CERS1: variants seen among roughly 807,000 people sequenced by gnomAD.
CERS1 encodes ceramide synthase 1.
A neutral mutation model predicts 35.7 loss-of-function variants in CERS1; 16 were observed. The ratio of observed to expected loss-of-function variants is 0.45; its 90% CI spans 0.30 to 0.68. CERS1 has a LOEUF of 0.68. Ranked by LOEUF, CERS1 falls within the 30% of genes least tolerant of loss-of-function variation. The probability of loss-of-function intolerance (pLI) is 0.08; values close to 1 mark genes in which losing one functional copy is unlikely to be tolerated. For synonymous variants in CERS1, 243 were observed against 201.6 expected, an observed-to-expected ratio of 1.21 and a Z score of -1.74; for missense variants, 454 against 453.9, an observed-to-expected ratio of 1.00 and a Z score of 0.00.
At position 18,869,302 on chromosome 19, in the gene CERS1, G is replaced by A. The variant is rs1047993053; in HGVS notation, c.*683C>T. 3.4e-5 allele frequency: 51 copies of A among 1,516,458 alleles called. No homozygotes were observed. Among genetic ancestry groups the A allele is most frequent in the African/African-American group, 1.4e-4 (10 of 70,108 alleles). 93.9% of individuals were successfully genotyped at this position (1,516,458 alleles called of 1,614,324 possible). A position where few individuals can be genotyped will look rare whatever the true frequency, so the allele number is the denominator to read the frequency against. ...GGCGGGCCCGGCTCGGGCGCTCAGC[G>A]GGTTCCACAGCCGACAGGTCGAAGA... On this transcript the variant is annotated 3_prime_UTR_variant, in exon 8 of 8. Transcript: ENST00000623882.
chr19:18,878,536 A>T lies in CERS1; in HGVS notation c.1010+394T>A. 1.9e-6 allele frequency: 2 copies of T among 1,029,190 alleles called. No homozygotes were observed. The highest frequency in any genetic ancestry group is 2.3e-6 in the Non-Finnish European group (2 of 855,570). 63.8% of individuals were successfully genotyped at this position (1,029,190 alleles called of 1,614,324 possible). Reference sequence around the variant, plus strand: ...TGGCCCTTGGCGTTCCTTCCTCCCCAGCCCCACTGCCACCAGCTCCAGTGG... The same window carrying T: ...TGGCCCTTGGCGTTCCTTCCTCCCCTGCCCCACTGCCACCAGCTCCAGTGG... On this transcript the variant is annotated intron_variant, in intron 6 of 7. Coordinates refer to ENST00000623882, the MANE Select transcript of CERS1 (RefSeq NM_021267.5). The surrounding 1 kb of genome is among the most constrained non-coding windows in gnomAD (Gnocchi z 4.6).
At chr19:18,887,744 C>CAAAAAA in intron 2 of CERS1, among the ~76,000 whole-genome samples, 1 of 104,052 alleles carries the variant, frequency 9.6e-6, no homozygotes, top group Non-Finnish European at 1.9e-5. Context: ...AACTCCATCT[C>CAAAAAA]AAAAAAAAAA....
At chr19:18,886,399 A>G (rs2056361814) in intron 2 of CERS1, among the ~76,000 whole-genome samples, 1 of 152,012 alleles carries the variant, frequency 6.6e-6, no homozygotes, top group Non-Finnish European at 1.5e-5. Context: ...AATACAAAAA[A>G]TTAGCCGGGT....
At chr19:18,893,709 C>G (rs984161243) in intron 1 of CERS1, 134 bp from the exon 2 acceptor site, 1 of 870,420 alleles carries the variant, frequency 1.1e-6, no homozygotes, top group African/African-American at 1.7e-5. Flanking sequence ...ATGCCCACAG[C>G]CACCTGGAGC....
chr19:18,884,332 C>CG (rs2056295908), intron 2 of CERS1, 65 bp from the exon 3 acceptor site: 3 of 1,476,822 alleles, frequency 2.0e-6, no homozygotes, highest in Admixed American at 2.1e-5. Context: ...CTCCATGACC[C>CG]GGTGACACCC....
Position 18,884,266 on chromosome 19 carries a change from G to C in CERS1, c.411C>G (p.Asp137Glu), listed in dbSNP as rs2056293111. Residue 137 changes from aspartate to glutamate, a missense_variant and splice_region_variant, in exon 3 of 8, where the codon GAC becomes GAG. Coordinates refer to ENST00000623882, the MANE Select transcript of CERS1 (RefSeq NM_021267.5). The stretch of plus-strand genomic sequence containing the variant: ...GTGGCACTGCCATGCCCGGCGTCCA[G>C]TCTGGGGAGAGCCAAATCTCACAGT... ...FFHDPPSVFYDWTPGMAVPRD... is the reference protein window; with the variant it reads ...FFHDPPSVFYEWTPGMAVPRD... 6.2e-7 allele frequency: 1 copy of C among 1,610,210 alleles called. No individual in the cohort carries two copies. The highest frequency in any genetic ancestry group is 8.5e-7 in the Non-Finnish European group (1 of 1,178,768).
chr19:18,895,811 C>A lies in CERS1; in HGVS notation c.249+13G>T. On this transcript the variant is annotated intron_variant, in intron 1 of 7. Coordinates refer to ENST00000623882, the MANE Select transcript of CERS1 (RefSeq NM_021267.5). The surrounding 1 kb of genome is among the most constrained non-coding windows in gnomAD (Gnocchi z 6.4). ...TCCGGGGTCCCCTCGTCCCGGCCCC[C>A]GGCCACACTGACCCGAAAGAGGCGC... 4.0e-6 allele frequency: 5 copies of A among 1,236,096 alleles called. No homozygotes were observed. Among genetic ancestry groups the A allele is most frequent in the Non-Finnish European group, 5.1e-6 (5 of 982,514 alleles). The allele number at this position is 1,236,096 out of a possible 1,614,324, so 76.6% of individuals were successfully genotyped here.
rs1329965974 is a variant in CERS1 at position 18,870,335 on chromosome 19, G to A, written c.*242C>T. 5.2e-6 allele frequency: 8 copies of A among 1,543,762 alleles called. No individual in the cohort carries two copies. Among genetic ancestry groups the A allele is most frequent in the Non-Finnish European group, 7.0e-6 (8 of 1,145,958 alleles). On this transcript the variant is annotated 3_prime_UTR_variant, in exon 7 of 8. Coordinates refer to ENST00000623882, the MANE Select transcript of CERS1 (RefSeq NM_021267.5). The surrounding 1 kb of genome is among the most constrained non-coding windows in gnomAD (Gnocchi z 5.1). The stretch of plus-strand genomic sequence containing the variant: ...TCCTCCCAGGCGATGACCAGAGAGT[G>A]CGCAGGGTCCGCGGCGGCCCGGGAC...
In CERS1 at chr19:18,878,803, G is replaced by C. The variant is rs1441819635; in HGVS notation, c.1010+127C>G. On this transcript the variant is annotated intron_variant, in intron 6 of 7. Coordinates refer to ENST00000623882, the MANE Select transcript of CERS1 (RefSeq NM_021267.5). The surrounding 1 kb of genome is among the most constrained non-coding windows in gnomAD (Gnocchi z 4.6). ...CCTTTATTGCAGTCTCTGTTTTGGAGTAGGCTTGGGGGGCAGCATCCGCGT... is the reference window on the plus strand; with the variant it reads ...CCTTTATTGCAGTCTCTGTTTTGGACTAGGCTTGGGGGGCAGCATCCGCGT... 1.4e-6 allele frequency: 2 copies of C among 1,480,794 alleles called. No individual in the cohort carries two copies. The highest frequency in any genetic ancestry group is 4.4e-4 in the Middle Eastern group (2 of 4,582). The allele number at this position is 1,480,794 out of a possible 1,614,324, so 91.7% of individuals were successfully genotyped here. A position where few individuals can be genotyped will look rare whatever the true frequency, so the allele number is the denominator to read the frequency against.
rs754571030 is a variant in CERS1 at position 18,868,629 on chromosome 19, C to T, written c.*1356G>A. The T allele has an allele frequency of 2.5e-6, 4 of 1,572,960 alleles. No homozygotes were observed. The highest frequency in any genetic ancestry group is 2.3e-5 in the East Asian group (1 of 42,808). On this transcript the variant is annotated 3_prime_UTR_variant, in exon 8 of 8. Coordinates refer to ENST00000623882, the MANE Select transcript of CERS1 (RefSeq NM_021267.5). ...CAGCCGCACTCGTCCACCACCATGTCCTCATACTGCCGCAGCACCACGTTG... is the reference window on the plus strand; with the variant it reads ...CAGCCGCACTCGTCCACCACCATGTTCTCATACTGCCGCAGCACCACGTTG...
intron 6 of CERS1, among the ~76,000 whole-genome samples, chr19:18,871,231 T>C (rs2055965106): frequency 6.6e-6 from 1 of 150,378 alleles, no homozygotes; most frequent in African/African-American, 2.4e-5. Flanking sequence ...CAATTTTTTT[T>C]TTTTTTTTTT....
intron 7 of CERS1, among the ~76,000 whole-genome samples, 197 bp from the exon 8 acceptor site, chr19:18,869,587 G>C (rs1413201891): frequency 6.7e-6 from 1 of 149,740 alleles, no homozygotes; most frequent in African/African-American, 2.5e-5. Flanking sequence ...GGGGTGCGGC[G>C]GGGGGGGTGG....
At chr19:18,887,387 T>C (rs550416217) in intron 2 of CERS1, among the ~76,000 whole-genome samples, 43 of 152,226 alleles carry the variant, frequency 2.8e-4, no homozygotes, top group Admixed American at 2.3e-3. Context: ...GGGACGGGGT[T>C]TCCTTTTGTG....
chr19:18,875,619 A>T (rs2146000430), intron 6 of CERS1, among the ~76,000 whole-genome samples: 1 of 151,874 alleles, frequency 6.6e-6, no homozygotes, highest in South Asian at 2.1e-4. Context: ...TCTGCTGTGG[A>T]GAGCTTTCTT....
In CERS1 at chr19:18,896,140, C is replaced by G. The variant is rs2056623090; in HGVS notation, c.-68G>C. 6.7e-5 allele frequency: 40 copies of G among 596,710 alleles called. 1 individual carries two copies. The South Asian group carries it at 2.7e-3, about 40-fold the overall frequency. The allele number at this position is 596,710 out of a possible 1,614,324, so 37.0% of individuals were successfully genotyped here. ...CGGTAGCCGACGGAGCCGCGCGCCCCGCGTCACGCGCCGCAGCTGGGCCGG... is the reference window on the plus strand; with the variant it reads ...CGGTAGCCGACGGAGCCGCGCGCCCGGCGTCACGCGCCGCAGCTGGGCCGG... On this transcript the variant is annotated 5_prime_UTR_variant, in exon 1 of 8. Transcript: ENST00000623882. The surrounding 1 kb of genome is among the most constrained non-coding windows in gnomAD (Gnocchi z 5.9).
intron 1 of CERS1, 87 bp from the exon 2 acceptor site, chr19:18,893,662 T>C (rs1428817410): frequency 6.5e-6 from 9 of 1,374,830 alleles, no homozygotes; most frequent in African/African-American, 1.4e-5. Flanking sequence ...GCCCAGGGAC[T>C]CCCCAGGCCG....
At chr19:18,879,160 C>A in intron 5 of CERS1, 81 bp downstream of exon 5, 2 of 1,598,798 alleles carry the variant, frequency 1.3e-6, no homozygotes, top group Non-Finnish European at 8.5e-7. Context: ...ACGTGCCCCT[C>A]CCCGGGACTG....
At chr19:18,887,637 C>T (rs982220306) in intron 2 of CERS1, among the ~76,000 whole-genome samples, 1 of 150,916 alleles carries the variant, frequency 6.6e-6, no homozygotes, top group African/African-American at 2.4e-5. Context: ...CCCACCTACT[C>T]GAAGGCTGAG....
At chr19:18,869,961 C>A (rs1287547710) in intron 7 of CERS1, 22 bp downstream of exon 7, 16 of 1,566,814 alleles carry the variant, frequency 1.0e-5, no homozygotes, top group African/African-American at 1.4e-5. Flanking sequence ...GGACCAGTGT[C>A]CCCAGCGAAA....
Sources: allele counts gnomAD v4.1 joint callset (sites outside exome capture counted in the v4.1 genomes callset), GRCh38; gene constraint gnomAD v4.1.1; non-coding constraint Gnocchi (gnomAD v3.1); transcripts MANE v1.5; gene names NCBI Gene and HGNC (gene_info 2026-07-23, HGNC 2026-07-21).